STIM1: variants seen among roughly 807,000 people sequenced by gnomAD.
STIM1 encodes stromal interaction molecule 1.
In STIM1, 25 loss-of-function variants were observed where a neutral mutation model predicts 74.7. The ratio of observed to expected loss-of-function variants is 0.33; its 90% CI spans 0.24 to 0.47. The LOEUF (loss-of-function observed/expected upper bound fraction) is 0.47. Ranked by LOEUF, STIM1 falls within the 20% of genes least tolerant of loss-of-function variation. The pLI, the probability that STIM1 is intolerant of heterozygous loss-of-function variation, is 1.00. For synonymous variants in STIM1, 328 were observed against 348.8 expected (o/e 0.94, Z 0.66); for missense variants, 728 against 920.8 (o/e 0.79, Z 2.71).
chr11:3,928,471 C>T (rs1048720330), intron 1 of STIM1, among the ~76,000 whole-genome samples: 3 of 152,192 alleles, frequency 2.0e-5, no homozygotes, highest in Admixed American at 6.5e-5. Flanking sequence ...AGGTGATCCA[C>T]CCACCTCGGC....
intron 1 of STIM1, among the ~76,000 whole-genome samples, chr11:3,875,342 T>C (rs1565097788): frequency 6.6e-6 from 1 of 152,218 alleles, no homozygotes; most frequent in Non-Finnish European, 1.5e-5. Flanking sequence ...TTGAAAACAA[T>C]TGAAAAACTA....
intron 2 of STIM1, among the ~76,000 whole-genome samples, chr11:4,012,817 A>G (rs555849291): frequency 2.0e-5 from 3 of 152,176 alleles, no homozygotes; most frequent in Non-Finnish European, 4.4e-5. Flanking sequence ...TTCAAAGGGT[A>G]TGTTTCCAGC....
intron 3 of STIM1, among the ~76,000 whole-genome samples, chr11:4,033,808 C>A (rs890253077): frequency 6.6e-6 from 1 of 151,582 alleles, no homozygotes; most frequent in African/African-American, 2.4e-5. Context: ...ACCGTGTTAG[C>A]CAGGATGGTC....
At chr11:3,950,419 A>G (rs999447841) in intron 1 of STIM1, among the ~76,000 whole-genome samples, 1 of 152,214 alleles carries the variant, frequency 6.6e-6, no homozygotes, top group Non-Finnish European at 1.5e-5. Context: ...GGCATGAGCC[A>G]CTGTGCCTGG....
rs535339397 is a variant in STIM1 at position 4,082,018 on chromosome 11, G to A, written c.970-166G>A. 5.9e-5 allele frequency among the ~76,000 whole-genome samples: 9 copies of A among 152,276 alleles called. 1 individual carries two copies. In the South Asian group the frequency reaches 6.2e-4, roughly 11 times the overall value. On this transcript the variant is annotated intron_variant, in intron 7 of 12. Coordinates refer to ENST00000526596, the MANE Select transcript of STIM1 (RefSeq NM_001382567.1). Reference sequence around the variant, plus strand: ...GACCTTGAGTAGGTTAATTTTCTTCGCTGAGCTTGCTTTCTTCTATATAAA... The same window carrying A: ...GACCTTGAGTAGGTTAATTTTCTTCACTGAGCTTGCTTTCTTCTATATAAA...
At chr11:3,926,641 A>G (rs150877222) in intron 1 of STIM1, among the ~76,000 whole-genome samples, 2 of 152,370 alleles carry the variant, frequency 1.3e-5, no homozygotes, top group African/African-American at 4.8e-5. Context: ...CTGCAATTAG[A>G]GAATCTGTGG....
intron 2 of STIM1, among the ~76,000 whole-genome samples, chr11:3,995,999 A>G (rs1375037817): frequency 6.6e-6 from 1 of 152,082 alleles, no homozygotes; most frequent in Non-Finnish European, 1.5e-5. Flanking sequence ...TCTCTAGTCT[A>G]CAGTTTAGCC....
At chr11:3,906,526 G>T (rs563666707) in intron 1 of STIM1, among the ~76,000 whole-genome samples, 7 of 152,138 alleles carry the variant, frequency 4.6e-5, no homozygotes, top group Non-Finnish European at 8.8e-5. Context: ...ATTCTAAAGC[G>T]TATTGTTCTG....
chr11:3,976,012 A>G (rs2093444640), intron 2 of STIM1, among the ~76,000 whole-genome samples: 1 of 152,244 alleles, frequency 6.6e-6, no homozygotes, highest in South Asian at 2.1e-4. Context: ...CTTTATATTC[A>G]CAGTAGAACC....
intron 3 of STIM1, among the ~76,000 whole-genome samples, chr11:4,051,128 G>T (rs2094236832): frequency 6.6e-6 from 1 of 151,980 alleles, no homozygotes; most frequent in African/African-American, 2.4e-5. Flanking sequence ...ATGTATAAAT[G>T]GACCCAGGAA....
chr11:4,056,825 A>G (rs1051248852), intron 4 of STIM1, among the ~76,000 whole-genome samples: 2 of 152,224 alleles, frequency 1.3e-5, no homozygotes, highest in African/African-American at 4.8e-5. Context: ...GAGGAAGAGT[A>G]TCCCAACCTT....
intron 2 of STIM1, among the ~76,000 whole-genome samples, chr11:3,995,016 C>T (rs148961272): frequency 1.6e-3 from 240 of 152,104 alleles, no homozygotes; most frequent in African/African-American, 5.4e-3. Flanking sequence ...TAATTTGTCT[C>T]TTTATTGACA....
intron 1 of STIM1, among the ~76,000 whole-genome samples, chr11:3,904,693 A>G (rs1177427368): frequency 6.6e-6 from 1 of 152,152 alleles, no homozygotes; most frequent in Non-Finnish European, 1.5e-5. Flanking sequence ...GTTGATTTAA[A>G]TTGTGTGACG....
At chr11:4,048,600 G>A (rs1179805753) in intron 3 of STIM1, among the ~76,000 whole-genome samples, 1 of 151,776 alleles carries the variant, frequency 6.6e-6, no homozygotes, top group East Asian at 1.9e-4. Flanking sequence ...ACCTTCACTG[G>A]GCTGGAACTA....
At chr11:3,998,399 C>CT (rs2093681819) in intron 2 of STIM1, among the ~76,000 whole-genome samples, 1 of 152,096 alleles carries the variant, frequency 6.6e-6, no homozygotes, top group Non-Finnish European at 1.5e-5. Flanking sequence ...ATTTGGGGAC[C>CT]TTTTTCTTTC....
chr11:3,985,153 C>G (rs900818676), intron 2 of STIM1, among the ~76,000 whole-genome samples: 2 of 152,166 alleles, frequency 1.3e-5, no homozygotes, highest in African/African-American at 4.8e-5. Context: ...CGGTGGCTTG[C>G]TTTGACAGAT....
chr11:3,959,871 G>A (rs1250881935), intron 1 of STIM1, among the ~76,000 whole-genome samples: 1 of 152,110 alleles, frequency 6.6e-6, no homozygotes, highest in Non-Finnish European at 1.5e-5. Flanking sequence ...AAAAACAGTG[G>A]TAGGTAAAAC....
chr11:3,875,024 T>C (rs1360234661), intron 1 of STIM1, among the ~76,000 whole-genome samples: 2 of 152,020 alleles, frequency 1.3e-5, no homozygotes, highest in Non-Finnish European at 2.9e-5. Context: ...TGTTTGTTTG[T>C]GTTTTTCTTG....
intron 4 of STIM1, among the ~76,000 whole-genome samples, chr11:4,055,998 A>G (rs543114375): frequency 1.0e-3 from 155 of 152,330 alleles, no homozygotes; most frequent in African/African-American, 3.6e-3. Context: ...TGGTTAAGTA[A>G]CTTATCCAAG....
Sources: allele counts gnomAD v4.1 joint callset (sites outside exome capture counted in the v4.1 genomes callset), GRCh38; gene constraint gnomAD v4.1.1; transcripts MANE v1.5; gene names NCBI Gene and HGNC (gene_info 2026-07-23, HGNC 2026-07-21).